Variants in EBF1 observed in about 807,000 individuals in gnomAD.
EBF1 encodes the protein EBF transcription factor 1.
In EBF1, 10 loss-of-function variants were observed where a neutral mutation model predicts 68.4. That is an observed-to-expected ratio of 0.15 (90% confidence interval 0.09 to 0.25). The LOEUF is 0.25. Among genes scored for constraint, EBF1 ranks in the 10% least tolerant of loss-of-function variants. EBF1 has a pLI of 1.00. For missense variants in EBF1, 509 were observed against 794.4 expected (o/e 0.64, Z 4.32); for synonymous variants, 298 against 299.8 (o/e 0.99, Z 0.06).
intron 6 of EBF1, among the ~76,000 whole-genome samples, chr5:158,907,446 G>A (rs764923228): frequency 6.6e-6 from 1 of 152,118 alleles, no homozygotes; most frequent in Non-Finnish European, 1.5e-5. Context: ...GTGTATCTTA[G>A]CATATTGCTA....
At chr5:159,019,355 A>C (rs1766229607) in intron 6 of EBF1, among the ~76,000 whole-genome samples, 1 of 152,230 alleles carries the variant, frequency 6.6e-6, no homozygotes, top group Non-Finnish European at 1.5e-5. Flanking sequence ...CATATAACTA[A>C]GTGTGTCACA....
intron 6 of EBF1, among the ~76,000 whole-genome samples, chr5:158,927,262 AC>A (rs2127426513): frequency 6.6e-6 from 1 of 152,314 alleles, no homozygotes; most frequent in African/African-American, 2.4e-5. Context: ...CATGCCAGTT[AC>A]CATCATAATC....
At chr5:159,031,190 A>T (rs1768765146) in intron 6 of EBF1, among the ~76,000 whole-genome samples, 1 of 152,216 alleles carries the variant, frequency 6.6e-6, no homozygotes, top group Non-Finnish European at 1.5e-5. Flanking sequence ...AAAGAAAAGA[A>T]AAGAAAAGAG....
rs1760399191 is a variant in EBF1 at position 158,991,881 on chromosome 5, C to A, written c.554+81515G>T. Among the ~76,000 whole-genome samples, 7 of 152,238 alleles carry A rather than the reference C, an allele frequency of 4.6e-5. No homozygotes were observed. The South Asian group carries it at 1.5e-3, about 32-fold the overall frequency. ...CTGAACAAAGCCCCTCCCTGCCTGC[C>A]CATTTCACCCCTCTCCAATGTTTTT... is the stretch of plus-strand genomic sequence containing the variant. On this transcript the variant is annotated intron_variant, in intron 6 of 15. Transcript: ENST00000313708.
chr5:158,846,690 G>A (rs889324734), intron 6 of EBF1, among the ~76,000 whole-genome samples: 18 of 152,246 alleles, frequency 1.2e-4, no homozygotes, highest in Admixed American at 8.5e-4. Flanking sequence ...AGTAGTTGTA[G>A]AGTACAGTTC....
At chr5:159,053,736 C>T (rs1023629864) in intron 6 of EBF1, among the ~76,000 whole-genome samples, 5 of 152,084 alleles carry the variant, frequency 3.3e-5, no homozygotes, top group South Asian at 2.1e-4. Context: ...ATATGTACCC[C>T]GGAATAAAAG....
intron 6 of EBF1, among the ~76,000 whole-genome samples, chr5:158,876,073 G>A (rs953335291): frequency 6.6e-6 from 1 of 152,254 alleles, no homozygotes; most frequent in South Asian, 2.1e-4. Context: ...TTGTGGATGC[G>A]AAAAGTTTAG....
chr5:158,719,364 C>G (rs577288535), intron 11 of EBF1, among the ~76,000 whole-genome samples: 7 of 152,160 alleles, frequency 4.6e-5, no homozygotes, highest in African/African-American at 1.7e-4. Context: ...ATTAGCTGTA[C>G]TCTTAGGCCC....
At chr5:158,922,102 T>C (rs1205334743) in intron 6 of EBF1, among the ~76,000 whole-genome samples, 3 of 152,228 alleles carry the variant, frequency 2.0e-5, no homozygotes, top group Non-Finnish European at 4.4e-5. Flanking sequence ...AATGAAGGCA[T>C]TATTAATTTC....
intron 6 of EBF1, among the ~76,000 whole-genome samples, chr5:159,034,526 TC>T (rs1217348900): frequency 6.6e-6 from 1 of 152,274 alleles, no homozygotes; most frequent in Non-Finnish European, 1.5e-5. Flanking sequence ...TGACAGCAAA[TC>T]GATTAGTGCT....
chr5:159,079,620 T>C (rs943608690), intron 5 of EBF1, among the ~76,000 whole-genome samples: 1 of 147,888 alleles, frequency 6.8e-6, no homozygotes, highest in Non-Finnish European at 1.5e-5. Flanking sequence ...TTTTTTTTTT[T>C]TTTTGAGATG....
At chr5:158,731,229 G>A in intron 10 of EBF1, 72 bp from the exon 11 acceptor site, 3 of 1,409,100 alleles carry the variant, frequency 2.1e-6, no homozygotes, top group South Asian at 2.5e-5. Context: ...AACACTAATG[G>A]TGTGGAAATA....
chr5:158,820,268 G>T (rs563340993), intron 8 of EBF1, among the ~76,000 whole-genome samples: 3 of 152,142 alleles, frequency 2.0e-5, no homozygotes, highest in Admixed American at 6.5e-5. Flanking sequence ...TGAAGGCGGT[G>T]GGGGGTGGGA....
chr5:159,060,770 G>A (rs540060646), intron 6 of EBF1, among the ~76,000 whole-genome samples: 103 of 152,246 alleles, frequency 6.8e-4, no homozygotes, highest in African/African-American at 2.4e-3. Context: ...CATAAAAGAT[G>A]TTTGATAATA....
chr5:158,825,732 A>G (rs1007323157), intron 7 of EBF1, among the ~76,000 whole-genome samples: 2 of 152,162 alleles, frequency 1.3e-5, no homozygotes, highest in African/African-American at 4.8e-5. Context: ...GCCAATCAAA[A>G]TTGGAAAAAA....
intron 7 of EBF1, among the ~76,000 whole-genome samples, chr5:158,831,905 G>T (rs1357731551): frequency 2.0e-5 from 3 of 152,204 alleles, no homozygotes; most frequent in African/African-American, 4.8e-5. Flanking sequence ...TGAGTTTGGT[G>T]TATGTGGGGA....
At chr5:159,068,343 G>A (rs1010394514) in intron 6 of EBF1, among the ~76,000 whole-genome samples, 1 of 151,472 alleles carries the variant, frequency 6.6e-6, no homozygotes, top group Non-Finnish European at 1.5e-5. Context: ...TACCACACCC[G>A]ACCCAATGGT....
At chr5:159,061,162 G>A (rs755063494) in intron 6 of EBF1, among the ~76,000 whole-genome samples, 1 of 151,636 alleles carries the variant, frequency 6.6e-6, no homozygotes, top group Non-Finnish European at 1.5e-5. Context: ...ATCACTCCTC[G>A]CTCGACATTT....
intron 6 of EBF1, among the ~76,000 whole-genome samples, chr5:159,054,357 C>T (rs546067419): frequency 6.6e-6 from 1 of 152,226 alleles, no homozygotes; most frequent in East Asian, 1.9e-4. Context: ...TCTTTGGAAA[C>T]CTGTCAAAAT....
Sources: gnomAD v4.1 joint callset for allele counts (sites outside exome capture counted in the v4.1 genomes callset) on GRCh38, gnomAD v4.1.1 for gene constraint, MANE v1.5 for transcripts, NCBI Gene and HGNC (gene_info 2026-07-23, HGNC 2026-07-21) for gene names.